SUGCT: variants seen among roughly 807,000 people sequenced by gnomAD.
The protein encoded by SUGCT is succinyl-CoA:glutarate-CoA transferase.
In SUGCT, 41 loss-of-function variants were observed where a neutral mutation model predicts 55.0. The observed-to-expected ratio is 0.74, with a 90% CI of 0.58 to 0.97. The LOEUF is 0.97. Ranked by LOEUF, SUGCT falls within the 50% of genes least tolerant of loss-of-function variation. The pLI is 0.00. For synonymous variants in SUGCT, 187 were observed against 200.4 expected (o/e 0.93, Z 0.56); for missense variants, 568 against 547.8 (o/e 1.04, Z -0.37).
chr7:40,951,841 T>G, the SUGCT span, among the ~76,000 whole-genome samples: 24 of 152,340 alleles, frequency 1.6e-4, no homozygotes, highest in Admixed American at 1.0e-3. Context: ...TTTCTGTTCT[T>G]TTACATTTGC....
At chr7:40,899,501 C>CAGA in the SUGCT span, among the ~76,000 whole-genome samples, 3 of 152,116 alleles carry the variant, frequency 2.0e-5, no homozygotes, top group African/African-American at 7.2e-5. Flanking sequence ...CACGCTGAGA[C>CAGA]AGAAAGCAAG....
chr7:40,901,564 G>A, the SUGCT span, among the ~76,000 whole-genome samples: 1 of 152,186 alleles, frequency 6.6e-6, no homozygotes, highest in Admixed American at 6.6e-5. Flanking sequence ...ACGGAATGAT[G>A]TTACCAAACT....
At chr7:40,380,026 A>G (rs895850068) in intron 9 of SUGCT, among the ~76,000 whole-genome samples, 1 of 152,216 alleles carries the variant, frequency 6.6e-6, no homozygotes, top group African/African-American at 2.4e-5. Flanking sequence ...ATGCCCACAA[A>G]GAGATGGTTG....
chr7:40,853,805 A>C (rs1263790736), intron 13 of SUGCT, among the ~76,000 whole-genome samples: 1 of 152,266 alleles, frequency 6.6e-6, no homozygotes. Flanking sequence ...GAAAAGTCCA[A>C]TGAAATAATG....
the SUGCT span, among the ~76,000 whole-genome samples, chr7:40,907,480 C>G: frequency 1.3e-5 from 2 of 152,154 alleles, no homozygotes; most frequent in African/African-American, 4.8e-5. Context: ...CAGGCGCTAG[C>G]CTTGTAAAGC....
At chr7:40,155,139 G>GT (rs1783818902) in intron 1 of SUGCT, among the ~76,000 whole-genome samples, 1 of 152,138 alleles carries the variant, frequency 6.6e-6, no homozygotes, top group Non-Finnish European at 1.5e-5. Context: ...AAAAAAATTA[G>GT]CTGGGTGTAG....
At chr7:40,481,478 A>G (rs1189074763) in intron 11 of SUGCT, among the ~76,000 whole-genome samples, 3 of 151,926 alleles carry the variant, frequency 2.0e-5, no homozygotes, top group Middle Eastern at 3.2e-3. Flanking sequence ...ATCATTACCT[A>G]TGTCCTTGAG....
At chr7:40,877,559 A>G in the SUGCT span, among the ~76,000 whole-genome samples, 1 of 152,248 alleles carries the variant, frequency 6.6e-6, no homozygotes, top group Non-Finnish European at 1.5e-5. Context: ...CTCTCATCTG[A>G]AAACCACTTA....
chr7:40,156,664 C>T (rs1783912185), intron 1 of SUGCT, among the ~76,000 whole-genome samples: 1 of 152,146 alleles, frequency 6.6e-6, no homozygotes, highest in African/African-American at 2.4e-5. Flanking sequence ...ATTCCCAAGG[C>T]TCTGCAGAAA....
intron 12 of SUGCT, among the ~76,000 whole-genome samples, chr7:40,633,091 G>A (rs1041514763): frequency 2.6e-5 from 4 of 152,098 alleles, no homozygotes; most frequent in Non-Finnish European, 5.9e-5. Flanking sequence ...GAAGAGAATT[G>A]AGTGATTTAT....
chr7:40,600,837 A>C (rs1798257951), intron 12 of SUGCT, among the ~76,000 whole-genome samples: 1 of 151,824 alleles, frequency 6.6e-6, no homozygotes. Context: ...AGAATTGTCT[A>C]GTTAGAGACA....
intron 13 of SUGCT, among the ~76,000 whole-genome samples, chr7:40,778,376 A>G (rs950209463): frequency 2.6e-5 from 4 of 152,346 alleles, no homozygotes; most frequent in African/African-American, 7.2e-5. Flanking sequence ...AGCTTCAGAG[A>G]GCTCACAATA....
chr7:40,848,146 A>G (rs10266350), intron 13 of SUGCT, among the ~76,000 whole-genome samples: 28,027 of 152,182 alleles, frequency 0.18, 3,697 homozygotes, highest in East Asian at 0.69. Flanking sequence ...CAGGTGCAGA[A>G]CAAAGATAAG....
At chr7:40,192,107 CAAAAAA>C (rs34662909) in intron 5 of SUGCT, among the ~76,000 whole-genome samples, 1 of 61,368 alleles carries the variant, frequency 1.6e-5, no homozygotes, top group Non-Finnish European at 2.9e-5. Flanking sequence ...GATTCCATCT[CAAAAAA>C]AAAAAAAAAA....
chr7:40,367,113 T>C (rs1037929020), intron 9 of SUGCT, among the ~76,000 whole-genome samples: 8 of 152,046 alleles, frequency 5.3e-5, no homozygotes, highest in Middle Eastern at 3.4e-3. Flanking sequence ...ATGTCCTTTG[T>C]AGGGACATGG....
At chr7:40,280,076 A>G (rs1018201984) in intron 8 of SUGCT, among the ~76,000 whole-genome samples, 8 of 152,176 alleles carry the variant, frequency 5.3e-5, no homozygotes, top group Non-Finnish European at 1.0e-4. Context: ...GATCTAGTGT[A>G]AAAAAGACAA....
In SUGCT at chr7:40,594,337, TA is replaced by T. The variant is rs1229884904; in HGVS notation, c.1089+97964del. On this transcript the variant is annotated intron_variant, in intron 12 of 13. Transcript: ENST00000335693. ...ACTTAAAGTATAAAAAAAAAAAAAG[TA>T]AAAAAAAAAAAATATGATGTAAAAT... Among the ~76,000 whole-genome samples, 880 of 135,700 alleles carry T rather than the reference TA, an allele frequency of 6.5e-3. 7 individuals carry two copies. The highest frequency in any genetic ancestry group is 0.025 in the East Asian group (117 of 4,656). 89.0% of individuals were successfully genotyped at this position (135,700 alleles called of 152,430 possible). A position where few individuals can be genotyped will look rare whatever the true frequency, so the allele number is the denominator to read the frequency against.
chr7:40,326,248 C>G (rs556654649), intron 9 of SUGCT, among the ~76,000 whole-genome samples: 1 of 152,214 alleles, frequency 6.6e-6, no homozygotes, highest in East Asian at 1.9e-4. Flanking sequence ...GTTGGGAGAA[C>G]TTGAGCTTTG....
chr7:40,416,659 T>C (rs1787018942), intron 9 of SUGCT, among the ~76,000 whole-genome samples: 1 of 151,982 alleles, frequency 6.6e-6, no homozygotes, highest in African/African-American at 2.4e-5. Context: ...CTTGCGAATA[T>C]TGATTTAATT....
Sources: gnomAD v4.1 joint callset for allele counts (sites outside exome capture counted in the v4.1 genomes callset) on GRCh38, gnomAD v4.1.1 for gene constraint, MANE v1.5 for transcripts, NCBI Gene and HGNC (gene_info 2026-07-23, HGNC 2026-07-21) for gene names.